NCOA4: variants seen among roughly 807,000 people sequenced by gnomAD.
NCOA4 encodes nuclear receptor coactivator 4.
In NCOA4, 31 loss-of-function variants were observed where a neutral mutation model predicts 69.5. That is an observed-to-expected ratio of 0.45 (90% CI 0.34 to 0.60). The LOEUF is 0.60. NCOA4 is among the 20% of genes least tolerant of loss of function. NCOA4 has a pLI of 0.02. For missense variants in NCOA4, 600 were observed against 719.2 expected, an observed-to-expected ratio of 0.83 and a Z score of 1.90; for synonymous variants, 228 against 252.4, an observed-to-expected ratio of 0.90 and a Z score of 0.92.
rs781839030 is a variant in NCOA4, at chr10:46,010,438, A to G, written c.1483T>C (p.Ser495Pro). 6.2e-7 allele frequency: 1 copy of G among 1,614,200 alleles called. No homozygotes were observed. The highest frequency in any genetic ancestry group is 1.7e-5 in the Admixed American group (1 of 60,022). ...SFQVIKNSPL[S>P]EWLIRPPYKE... ...TATGGGGGCCTGATAAGCCACTCCG[A>G]CAAGGGGCTGTTCTTTATGACTTGG... The change falls in exon 8 of 10, where the codon TCG becomes CCG. Residue 495 changes from serine to proline, a missense_variant. Transcript: ENST00000581486.
chr10:46,029,687 A>G (rs1840353231), intron 1 of NCOA4, among the ~76,000 whole-genome samples: 1 of 152,248 alleles, frequency 6.6e-6, no homozygotes, highest in South Asian at 2.1e-4. Flanking sequence ...TTGGGGTCAG[A>G]TAAATTCAGC....
rs1838740145 is a variant in NCOA4, at chr10:46,005,112, A to G, written c.*1480T>C. The G allele has an allele frequency of 5.3e-6, 1 of 187,798 alleles. No homozygotes were observed. The highest frequency in any genetic ancestry group is 1.1e-5 in the Non-Finnish European group (1 of 89,042). The allele number at this position is 187,798 out of a possible 1,614,324, so 11.6% of individuals were successfully genotyped here. A position where few individuals can be genotyped will look rare whatever the true frequency, so the allele number is the denominator to read the frequency against. ...CTATGGCTGTTATGCTTTTAATGGA[A>G]GCAGATACAAAATTCATCAATGCAA... On this transcript the variant is annotated 3_prime_UTR_variant, in exon 10 of 10. Coordinates refer to ENST00000581486, the MANE Select transcript of NCOA4 (RefSeq NM_001145263.2).
Position 46,014,475 on chromosome 10 carries a change from G to C in NCOA4, c.449C>G (p.Thr150Ser). 1 of 1,613,556 alleles carries C rather than the reference G, an allele frequency of 6.2e-7. No individual in the cohort carries two copies. Among genetic ancestry groups the C allele is most frequent in the African/African-American group, 1.3e-5 (1 of 75,004 alleles). Residue 150 changes from threonine to serine, a missense_variant, in exon 5 of 10, where the codon ACC becomes AGC. Coordinates refer to ENST00000581486, the MANE Select transcript of NCOA4 (RefSeq NM_001145263.2). ...FEADTITLRQ[T>S]ITTFGSLKTI... The stretch of plus-strand genomic sequence containing the variant: ...TTTGAGAGACCCAAATGTGGTGATG[G>C]TCTGGCGCAGAGTAATTGTGTCAGC...
rs192969481 is a variant in NCOA4, at chr10:46,028,680, G to T, written c.-15+1846C>A. On this transcript the variant is annotated intron_variant, in intron 1 of 9. Coordinates refer to ENST00000581486, the MANE Select transcript of NCOA4 (RefSeq NM_001145263.2). ...CCTGGTATGTTGAAGGAATCATTAA[G>T]TATTAAGGTATTATGTATTCATCCA... 2.0e-5 allele frequency among the ~76,000 whole-genome samples: 3 copies of T among 152,182 alleles called. No homozygotes were observed. In the East Asian group the frequency reaches 5.8e-4, roughly 29 times the overall value.
At chr10:46,019,247 C>T in intron 1 of NCOA4, 1 of 866,742 alleles carries the variant, frequency 1.2e-6, no homozygotes, top group Non-Finnish European at 1.4e-6. Flanking sequence ...CCTCCTTTTG[C>T]ATGCCATAAG....
chr10:46,007,719 T>G (rs1408061132), intron 9 of NCOA4, among the ~76,000 whole-genome samples: 2 of 151,064 alleles, frequency 1.3e-5, no homozygotes, highest in African/African-American at 4.9e-5. Flanking sequence ...GCCTCCTGAG[T>G]AGCTGGGACT....
intron 2 of NCOA4, among the ~76,000 whole-genome samples, chr10:46,016,133 C>T (rs1201000855): frequency 1.3e-5 from 2 of 152,164 alleles, no homozygotes; most frequent in African/African-American, 4.8e-5. Flanking sequence ...AGAACAATGC[C>T]ATTAACCAGC....
chr10:46,013,130 AT>A, intron 6 of NCOA4, 104 bp from the exon 7 acceptor site: 1 of 1,075,742 alleles, frequency 9.3e-7, no homozygotes, highest in Non-Finnish European at 1.4e-6. Flanking sequence ...TGGGCAAATC[AT>A]GTGCCTTCCA....
At position 46,023,598 on chromosome 10, in the gene NCOA4, T is replaced by C. The variant is rs868971195; in HGVS notation, c.-14-6904A>G. 9 of 897,730 alleles carry C rather than the reference T, an allele frequency of 1.0e-5. No homozygotes were observed. In the South Asian group the frequency reaches 3.6e-4, roughly 36 times the overall value. 55.6% of individuals were successfully genotyped at this position (897,730 alleles called of 1,614,324 possible). The stretch of plus-strand genomic sequence containing the variant: ...CAGCTCCCTCCCCGCTGGGCCTCCC[T>C]GCTAGACGCCTGCTGCCCCCGCCCG... On this transcript the variant is annotated intron_variant, in intron 1 of 9. Transcript: ENST00000581486.
intron 1 of NCOA4, among the ~76,000 whole-genome samples, chr10:46,021,402 C>T (rs906846863): frequency 6.6e-6 from 1 of 152,210 alleles, no homozygotes; most frequent in Admixed American, 6.5e-5. Flanking sequence ...TCTGAAGGGC[C>T]ACAGCCAGAA....
chr10:46,007,201 A>C (rs1838881308), intron 9 of NCOA4, among the ~76,000 whole-genome samples: 1 of 152,206 alleles, frequency 6.6e-6, no homozygotes, highest in South Asian at 2.1e-4. Context: ...AGTGGTCTCT[A>C]TAGGAGATCA....
intron 9 of NCOA4, 22 bp from the exon 10 acceptor site, chr10:46,006,619 T>A (rs1311239786): frequency 6.2e-7 from 1 of 1,613,900 alleles, no homozygotes; most frequent in East Asian, 2.2e-5. Flanking sequence ...CACCCACAGA[T>A]GATAAGTTAC....
intron 1 of NCOA4, among the ~76,000 whole-genome samples, chr10:46,023,653 C>A (rs1282606960): frequency 6.6e-6 from 1 of 152,240 alleles, no homozygotes; most frequent in Non-Finnish European, 1.5e-5. Context: ...CTAGAAGGAC[C>A]TCGGATGGCA....
intron 1 of NCOA4, chr10:46,022,479 GT>G (rs1590175780): frequency 2.2e-6 from 1 of 450,260 alleles, no homozygotes; most frequent in East Asian, 7.2e-5. Context: ...TTTTTTTTTT[GT>G]TTTGAGACGG....
intron 5 of NCOA4, 74 bp downstream of exon 5, chr10:46,014,370 A>G: frequency 9.3e-7 from 1 of 1,078,766 alleles, no homozygotes; most frequent in South Asian, 1.4e-5. Flanking sequence ...CACTATTCAT[A>G]GCAATTTTTT....
intron 9 of NCOA4, among the ~76,000 whole-genome samples, chr10:46,006,879 T>G (rs1838852250): frequency 1.3e-5 from 2 of 152,196 alleles, no homozygotes; most frequent in African/African-American, 4.8e-5. Flanking sequence ...ATTAGGCCAA[T>G]TATTAACCCT....
At chr10:46,015,650 C>A (rs530158678) in intron 2 of NCOA4, among the ~76,000 whole-genome samples, 3 of 152,278 alleles carry the variant, frequency 2.0e-5, no homozygotes, top group East Asian at 1.9e-4. Context: ...GAAATACTGA[C>A]CCCCTCAGTT....
At chr10:46,022,723 C>A (rs1461393819) in intron 1 of NCOA4, among the ~76,000 whole-genome samples, 2 of 152,128 alleles carry the variant, frequency 1.3e-5, no homozygotes, top group Non-Finnish European at 2.9e-5. Context: ...CCTCGGCCTC[C>A]CAAAGTGCTG....
chr10:46,019,241 C>CT, intron 1 of NCOA4: 1 of 837,464 alleles, frequency 1.2e-6, no homozygotes, highest in Non-Finnish European at 1.4e-6. Flanking sequence ...TTGCAGCCTC[C>CT]TTTTGCATGC....
Sources: gnomAD v4.1 joint callset for allele counts (sites outside exome capture counted in the v4.1 genomes callset) on GRCh38, gnomAD v4.1.1 for gene constraint, MANE v1.5 for transcripts, NCBI Gene and HGNC (gene_info 2026-07-23, HGNC 2026-07-21) for gene names.